TTLL7: variants seen among roughly 807,000 people sequenced by gnomAD.
TTLL7 encodes the protein tubulin polyglutamylase TTLL7.
A neutral mutation model predicts 120.2 loss-of-function variants in TTLL7; 53 were observed. The observed-to-expected ratio is 0.44, with a 90% CI of 0.35 to 0.55. TTLL7 has a LOEUF of 0.55. Ranked by LOEUF, TTLL7 falls within the 20% of genes least tolerant of loss-of-function variation. The pLI, the probability that TTLL7 is intolerant of heterozygous loss-of-function variation, is 0.00. For synonymous variants in TTLL7, 353 were observed against 351.7 expected, an observed-to-expected ratio of 1.00 and a Z score of -0.04; for missense variants, 803 against 1,054.7, an observed-to-expected ratio of 0.76 and a Z score of 3.31.
rs772638889 is a variant in TTLL7, at chr1:83,906,458, C to G, written c.1998G>C (p.Glu666Asp). The change falls in exon 17 of 21, where the codon GAG (glutamate) becomes GAC (aspartate). Residue 666 changes from glutamate (E) to aspartate (D), a missense_variant. This residue lies in a region of TTLL7 where 388 missense variants were observed against 450.4 expected (regional missense o/e 0.86). Transcript: ENST00000260505. ...CTTTTGTTTTCAGTTGCCGCAAAGA[C>G]TCACTCTTAAATTTGAAAGAATACA... ...DACSTNSQVSESLRQLKTKEQ... is the reference protein window; with the variant it reads ...DACSTNSQVSDSLRQLKTKEQ... 2.5e-6 allele frequency: 4 copies of G among 1,611,648 alleles called. No homozygotes were observed. The highest frequency in any genetic ancestry group is 1.3e-5 in the African/African-American group (1 of 74,758).
At chr1:83,883,193 TA>T in intron 19 of TTLL7, 57 bp from the exon 20 acceptor site, 19 of 1,408,368 alleles carry the variant, frequency 1.3e-5, no homozygotes, top group Non-Finnish European at 1.7e-5. Flanking sequence ...GACAACCAGC[TA>T]TATATCACTT....
At chr1:83,907,716 C>A in intron 15 of TTLL7, 55 bp from the exon 16 acceptor site, 1 of 1,510,374 alleles carries the variant, frequency 6.6e-7, no homozygotes, top group East Asian at 2.4e-5. Flanking sequence ...ACAAGTTTTT[C>A]ACTGTATGAA....
chr1:83,927,934 C>T (rs1329404878), intron 10 of TTLL7, among the ~76,000 whole-genome samples: 1 of 152,140 alleles, frequency 6.6e-6, no homozygotes, highest in Non-Finnish European at 1.5e-5. Context: ...AAGCATAAGC[C>T]TCATTAGCAT....
chr1:83,905,522 GAA>G (rs67769350), intron 17 of TTLL7, among the ~76,000 whole-genome samples: 24 of 144,304 alleles, frequency 1.7e-4, no homozygotes, highest in Admixed American at 1.2e-3. Flanking sequence ...TCTCCTCTGG[GAA>G]AAAAAAACAT....
intron 17 of TTLL7, 47 bp downstream of exon 17, chr1:83,906,282 T>G: frequency 1.3e-6 from 2 of 1,482,358 alleles, no homozygotes; most frequent in Non-Finnish European, 1.9e-6. Context: ...TTAAGAAGAA[T>G]AAAAAGGTAC....
chr1:83,882,979 C>A lies in TTLL7; in HGVS notation c.2527G>T (p.Asp843Tyr). The A allele has an allele frequency of 2.5e-6, 4 of 1,611,946 alleles. No homozygotes were observed. The highest frequency in any genetic ancestry group is 3.4e-6 in the Non-Finnish European group (4 of 1,178,842). ...AACAAGTACCTGGAATTACCCCAGTCAGGACCAATGCCTGAAAGTGATCCT... is the reference window on the plus strand; with the variant it reads ...AACAAGTACCTGGAATTACCCCAGTAAGGACCAATGCCTGAAAGTGATCCT... ...KRGSLSGIGPDWGNSRYLLPG... is the reference protein window; with the variant it reads ...KRGSLSGIGPYWGNSRYLLPG... The change falls in exon 20 of 21, where the codon GAC becomes TAC. Residue 843 changes from aspartate to tyrosine, a missense_variant. Physicochemically the swap from Asp to Tyr is radical, Grantham distance 160 (BLOSUM62 -3). Coordinates refer to ENST00000260505, the MANE Select transcript of TTLL7 (RefSeq NM_024686.6).
chr1:83,944,646 T>C (rs1648300222), intron 6 of TTLL7, among the ~76,000 whole-genome samples: 1 of 152,194 alleles, frequency 6.6e-6, no homozygotes, highest in Non-Finnish European at 1.5e-5. Flanking sequence ...AGGCAGAGGT[T>C]GCCGTGAGCC....
At chr1:83,948,872 A>G (rs1268194312) in intron 4 of TTLL7, 177 bp from the exon 5 acceptor site, 1 of 455,390 alleles carries the variant, frequency 2.2e-6, no homozygotes, top group African/African-American at 2.0e-5. Context: ...AGAGTATGGT[A>G]ATCAGAGAAT....
intron 9 of TTLL7, among the ~76,000 whole-genome samples, chr1:83,931,122 T>C (rs906218682): frequency 1.3e-5 from 2 of 151,846 alleles, no homozygotes; most frequent in African/African-American, 4.8e-5. Flanking sequence ...TCCTCTATAA[T>C]GAGATGATTT....
intron 18 of TTLL7, among the ~76,000 whole-genome samples, chr1:83,903,459 C>G (rs1011403369): frequency 6.6e-6 from 1 of 151,738 alleles, no homozygotes; most frequent in Non-Finnish European, 1.5e-5. Context: ...TACAGTCATC[C>G]CTCTCCACCT....
intron 15 of TTLL7, among the ~76,000 whole-genome samples, chr1:83,908,298 G>A (rs1458041263): frequency 6.6e-6 from 1 of 150,908 alleles, no homozygotes; most frequent in Non-Finnish European, 1.5e-5. Flanking sequence ...AGGCTAAATA[G>A]GTTAAGTTAT....
intron 15 of TTLL7, among the ~76,000 whole-genome samples, chr1:83,909,437 G>A (rs937490470): frequency 6.6e-6 from 1 of 151,806 alleles, no homozygotes; most frequent in Non-Finnish European, 1.5e-5. Context: ...ACAAGACAAA[G>A]TGTTACACAT....
chr1:83,997,246 A>C (rs1282510069), intron 1 of TTLL7, among the ~76,000 whole-genome samples: 2 of 152,108 alleles, frequency 1.3e-5, no homozygotes, highest in Admixed American at 1.3e-4. Context: ...ATACTATGTG[A>C]GTATTTAGAG....
At chr1:83,896,874 C>A (rs1257944024) in intron 18 of TTLL7, among the ~76,000 whole-genome samples, 1 of 152,098 alleles carries the variant, frequency 6.6e-6, no homozygotes, top group Non-Finnish European at 1.5e-5. Flanking sequence ...AGCCCACCAA[C>A]ATGACTATAT....
intron 10 of TTLL7, among the ~76,000 whole-genome samples, chr1:83,922,449 ATAAAGAGAG>A (rs1293821800): frequency 6.6e-6 from 1 of 152,172 alleles, no homozygotes; most frequent in Non-Finnish European, 1.5e-5. Flanking sequence ...GCCCTAAACA[ATAAAGAGAG>A]TTCTTTTGCC....
chr1:83,900,812 C>G (rs937024935), intron 18 of TTLL7, among the ~76,000 whole-genome samples: 5 of 151,926 alleles, frequency 3.3e-5, no homozygotes, highest in African/African-American at 9.7e-5. Context: ...AAGACTTGTA[C>G]CAATGTACTA....
chr1:83,952,214 T>C lies in TTLL7; in HGVS notation c.-3A>G, dbSNP rs752091756. 1.9e-6 allele frequency: 3 copies of C among 1,614,006 alleles called. No homozygotes were observed. The Admixed American group carries it at 5.0e-5, about 27-fold the overall frequency. On this transcript the variant is annotated 5_prime_UTR_variant, in exon 2 of 21. Transcript: ENST00000260505. The stretch of plus-strand genomic sequence containing the variant: ...CCTTCTTGAGGCAGAGATGGCATTA[T>C]TGCCTGTGCTGATTAGCAAGCAGTG...
chr1:83,879,295 TA>T (rs1441631460), intron 20 of TTLL7, among the ~76,000 whole-genome samples: 1 of 152,000 alleles, frequency 6.6e-6, no homozygotes, highest in Non-Finnish European at 1.5e-5. Context: ...GAGAAATGTT[TA>T]CTTCTCTTCA....
intron 14 of TTLL7, among the ~76,000 whole-genome samples, chr1:83,913,815 TTTTGTTTGGA>T (rs66918597): frequency 0.43 from 65,567 of 151,624 alleles, 15,491 homozygotes; most frequent in Non-Finnish European, 0.54. Flanking sequence ...GAGGTTATAG[TTTTGTTTGGA>T]TGACAAGCCT....
Sources: gnomAD v4.1 joint callset for allele counts (sites outside exome capture counted in the v4.1 genomes callset) on GRCh38, gnomAD v4.1.1 for gene constraint, gnomAD v4.1.1 regional missense constraint, MANE v1.5 for transcripts, NCBI Gene and HGNC (gene_info 2026-07-23, HGNC 2026-07-21) for gene names.